RIMBP2: variants seen among roughly 807,000 people sequenced by gnomAD.
The protein encoded by RIMBP2 is RIMS-binding protein 2.
RIMBP2 carries 48 observed loss-of-function variants against 118.6 expected under a neutral mutation model. That is an observed-to-expected ratio of 0.40 (90% CI 0.32 to 0.51). The LOEUF (loss-of-function observed/expected upper bound fraction) is 0.51, where lower values mean the gene tolerates loss of function less well. Ranked by LOEUF, RIMBP2 falls within the 20% of genes least tolerant of loss-of-function variation. The probability of loss-of-function intolerance (pLI) is 0.41; values close to 1 mark genes in which losing one functional copy is unlikely to be tolerated. For missense variants in RIMBP2, 1,551 were observed against 1,768.3 expected (o/e 0.88, Z 2.20); for synonymous variants, 762 against 742.9 (o/e 1.03, Z -0.42).
Position 130,434,655 on chromosome 12 carries a change from C to G in RIMBP2, c.2253+79G>C. On this transcript the variant is annotated intron_variant, in intron 14 of 22. Coordinates refer to ENST00000690449, the MANE Select transcript of RIMBP2 (RefSeq NM_001393629.1). This position sits in a 1 kb window ranked among gnomAD's most constrained non-coding sequence, Gnocchi z 5.7. The stretch of plus-strand genomic sequence containing the variant: ...ACCCAAGGGTAGCGGGGAAAGTGCC[C>G]ATGTCTCTTGATCTCCACGGGGCCC... The G allele has an allele frequency of 5.6e-6, 8 of 1,440,292 alleles. No individual in the cohort carries two copies. Among genetic ancestry groups the G allele is most frequent in the Non-Finnish European group, 7.4e-6 (8 of 1,080,526 alleles). The allele number at this position is 1,440,292 out of a possible 1,614,324, so 89.2% of individuals were successfully genotyped here. A position where few individuals can be genotyped will look rare whatever the true frequency, so the allele number is the denominator to read the frequency against.
rs376443531 is a variant in RIMBP2 at position 130,613,813 on chromosome 12, C to CAAA, written c.-217+14506_-217+14508dup. On this transcript the variant is annotated intron_variant, in intron 2 of 22. Transcript: ENST00000690449. ...TGGGTGACAGAGCAAGACTCTGTCTCAAAAAAAAAAAAAAAAAAAACTCAG... is the reference window on the plus strand; with the variant it reads ...TGGGTGACAGAGCAAGACTCTGTCTCAAAAAAAAAAAAAAAAAAAAAAACTCAG... Among the ~76,000 whole-genome samples, 887 of 104,920 alleles carry CAAA rather than the reference C, an allele frequency of 8.5e-3. 21 individuals are homozygous for CAAA. The highest frequency in any genetic ancestry group is 0.01 in the Non-Finnish European group (543 of 53,742). 68.8% of individuals were successfully genotyped at this position (104,920 alleles called of 152,430 possible).
At chr12:130,456,778 T>A in intron 6 of RIMBP2, 78 bp from the exon 7 acceptor site, 1 of 1,121,086 alleles carries the variant, frequency 8.9e-7, no homozygotes. Context: ...TCACATGTGT[T>A]GTACGTGTGC....
chr12:130,701,573 C>T lies in RIMBP2; in HGVS notation c.-352+14649G>A, dbSNP rs142751943. 7.9e-4 allele frequency among the ~76,000 whole-genome samples: 120 copies of T among 152,164 alleles called. 4 individuals are homozygous for T. The East Asian group carries it at 0.019, about 24-fold the overall frequency. On this transcript the variant is annotated intron_variant, in intron 1 of 22. Transcript: ENST00000690449. ...GCGTCTGAACATGGGGTGAAAAGTA[C>T]CTTGCTGGGCACGTTGTAGGGGAAG...
intron 2 of RIMBP2, among the ~76,000 whole-genome samples, chr12:130,538,050 C>A (rs11060982): frequency 5.9e-5 from 9 of 152,054 alleles, no homozygotes; most frequent in Non-Finnish European, 1.3e-4. Context: ...TCAGTAGAAC[C>A]CCTCAGTGTG....
intron 2 of RIMBP2, among the ~76,000 whole-genome samples, chr12:130,605,399 C>T (rs1409435738): frequency 6.6e-6 from 1 of 152,134 alleles, no homozygotes; most frequent in Non-Finnish European, 1.5e-5. Flanking sequence ...CTGCCAACAT[C>T]ATACATGAGG....
rs538625528 is a variant in RIMBP2 at position 130,688,078 on chromosome 12, A to G, written c.-352+28144T>C. Reference sequence around the variant, plus strand: ...ACTGTGGGAAAGAGGGGCACATCACAGAAGTCACCAGAGAGCTTACAAAAT... The same window carrying G: ...ACTGTGGGAAAGAGGGGCACATCACGGAAGTCACCAGAGAGCTTACAAAAT... On this transcript the variant is annotated intron_variant, in intron 1 of 22. Transcript: ENST00000690449. The surrounding 1 kb of genome is among the most constrained non-coding windows in gnomAD (Gnocchi z 4.7). 1.3e-5 allele frequency among the ~76,000 whole-genome samples: 2 copies of G among 152,366 alleles called. No individual in the cohort carries two copies. Among genetic ancestry groups the G allele is most frequent in the Admixed American group, 1.3e-4 (2 of 15,308 alleles).
chr12:130,557,452 G>A lies in RIMBP2; in HGVS notation c.-216-39535C>T, dbSNP rs1049435433. ...CCTCAGCCATGCGAGTGACCTTGGA[G>A]GCGGGTCCCACCCTAGTGGGGTGAG... is the stretch of plus-strand genomic sequence containing the variant. On this transcript the variant is annotated intron_variant, in intron 2 of 22. Transcript: ENST00000690449. Among the ~76,000 whole-genome samples, 11 of 152,334 alleles carry A rather than the reference G, an allele frequency of 7.2e-5. 1 individual carries two copies. The East Asian group carries it at 1.7e-3, about 24-fold the overall frequency.
At chr12:130,635,763 G>A (rs1242579069) in intron 1 of RIMBP2, among the ~76,000 whole-genome samples, 1 of 152,148 alleles carries the variant, frequency 6.6e-6, no homozygotes, top group Non-Finnish European at 1.5e-5. Flanking sequence ...GGGCCCAGGG[G>A]TGCAGTCCCA....
intron 6 of RIMBP2, chr12:130,465,266 C>G (rs1309256377): frequency 6.6e-6 from 1 of 152,244 alleles, no homozygotes; most frequent in Non-Finnish European, 1.5e-5. Flanking sequence ...CCGAGACGAA[C>G]CAGGGCTGAC....
chr12:130,614,316 G>A (rs925288780), intron 2 of RIMBP2, among the ~76,000 whole-genome samples: 2 of 152,180 alleles, frequency 1.3e-5, no homozygotes, highest in African/African-American at 4.8e-5. Flanking sequence ...CCAACCTTGT[G>A]CCCAACCTCC....
chr12:130,459,198 TG>T (rs1277580266), intron 6 of RIMBP2, among the ~76,000 whole-genome samples: 2 of 151,736 alleles, frequency 1.3e-5, no homozygotes, highest in African/African-American at 4.8e-5. Flanking sequence ...GGAGTTTCTC[TG>T]GGTGACAGAG....
chr12:130,693,472 GGTGACCCCCAAAGCCA>G (rs1416642869), intron 1 of RIMBP2, among the ~76,000 whole-genome samples: 3 of 152,158 alleles, frequency 2.0e-5, no homozygotes, highest in Non-Finnish European at 4.4e-5. Flanking sequence ...ATTAAGAACT[GGTGACCCCCAAAGCCA>G]GTGATGCCCA....
At chr12:130,715,755 T>TA (rs1950281912) in intron 1 of RIMBP2, among the ~76,000 whole-genome samples, 12 of 133,892 alleles carry the variant, frequency 9.0e-5, no homozygotes, top group South Asian at 7.4e-4. Context: ...CACGTCCCCT[T>TA]CCCCCCCTCC....
At chr12:130,566,201 TCACTC>T (rs937341473) in intron 2 of RIMBP2, among the ~76,000 whole-genome samples, 3 of 148,286 alleles carry the variant, frequency 2.0e-5, no homozygotes, top group African/African-American at 7.7e-5. Context: ...ACACACACAC[TCACTC>T]AACAGTCCTA....
rs1403287618 is a variant in RIMBP2, at chr12:130,664,437, A to ACG, written c.-351-35983_-351-35982dup. 5.8e-4 allele frequency among the ~76,000 whole-genome samples: 52 copies of ACG among 89,404 alleles called. 1 individual carries two copies. The highest frequency in any genetic ancestry group is 3.7e-4 in the Admixed American group (3 of 8,072). 58.7% of individuals were successfully genotyped at this position (89,404 alleles called of 152,430 possible). A position where few individuals can be genotyped will look rare whatever the true frequency, so the allele number is the denominator to read the frequency against. On this transcript the variant is annotated intron_variant, in intron 1 of 22. Coordinates refer to ENST00000690449, the MANE Select transcript of RIMBP2 (RefSeq NM_001393629.1). The stretch of plus-strand genomic sequence containing the variant: ...CACACACACGCACACACATGCATGC[A>ACG]CGCACACACGCACACACATGCACGC...
chr12:130,545,715 G>T (rs35088836), intron 2 of RIMBP2, among the ~76,000 whole-genome samples: 25,445 of 152,172 alleles, frequency 0.17, 2,176 homozygotes, highest in Middle Eastern at 0.25. Context: ...AGAGGGGAGC[G>T]CCGTGCTAAG....
chr12:130,497,002 A>T (rs10848119), intron 4 of RIMBP2, among the ~76,000 whole-genome samples: 57,531 of 151,816 alleles, frequency 0.38, 11,267 homozygotes, highest in East Asian at 0.44. Context: ...TACCCTCCGA[A>T]AGCTCCAGGG....
At chr12:130,506,164 T>C (rs543136674) in intron 4 of RIMBP2, among the ~76,000 whole-genome samples, 10 of 152,168 alleles carry the variant, frequency 6.6e-5, no homozygotes, top group East Asian at 5.8e-4. Flanking sequence ...TGGCTAAATA[T>C]TGAAGGAGAG....
At chr12:130,636,228 G>A (rs1045532520) in intron 1 of RIMBP2, among the ~76,000 whole-genome samples, 3 of 152,032 alleles carry the variant, frequency 2.0e-5, no homozygotes, top group South Asian at 2.1e-4. Flanking sequence ...ATGTCACTTC[G>A]CCCAGGAAGC....
Sources: allele counts gnomAD v4.1 joint callset (sites outside exome capture counted in the v4.1 genomes callset), GRCh38; gene constraint gnomAD v4.1.1; non-coding constraint Gnocchi (gnomAD v3.1); transcripts MANE v1.5; gene names NCBI Gene and HGNC (gene_info 2026-07-23, HGNC 2026-07-21).